Variants in NDUFAF6 observed in about 807,000 individuals in gnomAD.
The protein encoded by NDUFAF6 is NADH:ubiquinone oxidoreductase complex assembly factor 6.
A neutral mutation model predicts 40.8 loss-of-function variants in NDUFAF6; 45 were observed. The observed-to-expected ratio is 1.10, with a 90% CI of 0.87 to 1.42. The LOEUF is 1.42. Ranked by LOEUF, NDUFAF6 falls within the 40% of genes most tolerant of loss-of-function variation. NDUFAF6 has a pLI of 0.00. For synonymous variants in NDUFAF6, 185 were observed against 155.9 expected (o/e 1.19, Z -1.39); for missense variants, 435 against 418.5 (o/e 1.04, Z -0.34).
intron 2 of NDUFAF6, among the ~76,000 whole-genome samples, chr8:95,084,888 C>A (rs1219192642): frequency 6.6e-6 from 1 of 152,128 alleles, no homozygotes; most frequent in East Asian, 1.9e-4. Flanking sequence ...ACTTTTATAG[C>A]CCTTATTTTA....
intron 1 of NDUFAF6, 61 bp from the exon 2 acceptor site, chr8:95,031,934 G>A (rs912892219): frequency 2.0e-6 from 3 of 1,490,916 alleles, no homozygotes; most frequent in Non-Finnish European, 1.9e-6. Context: ...ATTTTAGTCA[G>A]TATTTTTTTG....
chr8:95,024,616 C>T (rs1340281195), upstream of NDUFAF6, among the ~76,000 whole-genome samples: 1 of 152,236 alleles, frequency 6.6e-6, no homozygotes, highest in African/African-American at 2.4e-5. Context: ...CCAAGGCAGC[C>T]CCTGTTGAGA....
intron 1 of NDUFAF6, among the ~76,000 whole-genome samples, chr8:94,962,617 T>G (rs1397055255): frequency 9.7e-6 from 1 of 102,594 alleles, no homozygotes; most frequent in Non-Finnish European, 1.9e-5. Flanking sequence ...TTGTTTTTTG[T>G]TTTTTTTTTT....
intron 1 of NDUFAF6, 41 bp from the exon 2 acceptor site, chr8:95,031,954 G>C (rs376442519): frequency 1.3e-6 from 2 of 1,569,984 alleles, no homozygotes; most frequent in African/African-American, 2.7e-5. Context: ...GTGCAGCTTG[G>C]AAAGTGAAGA....
chr8:95,060,239 A>G (rs147240693), downstream of NDUFAF6, among the ~76,000 whole-genome samples: 1 of 152,144 alleles, frequency 6.6e-6, no homozygotes, highest in Admixed American at 6.5e-5. Context: ...TGTAAAAGAT[A>G]CTCCCTTAGA....
chr8:95,043,751 A>G (rs779608417), intron 4 of NDUFAF6, among the ~76,000 whole-genome samples: 14 of 152,234 alleles, frequency 9.2e-5, no homozygotes, highest in Non-Finnish European at 5.9e-5. Flanking sequence ...TGGTGAGAAC[A>G]GGGAGATGTT....
chr8:95,025,330 G>A, intron 1 of NDUFAF6, 125 bp downstream of exon 1: 1 of 955,728 alleles, frequency 1.0e-6, no homozygotes, highest in Non-Finnish European at 1.4e-6. Context: ...CCCTCTGGGT[G>A]TGCGTTCTAG....
At chr8:95,045,829 T>C (rs1164476648) in intron 5 of NDUFAF6, among the ~76,000 whole-genome samples, 182 bp downstream of exon 5, 1 of 152,126 alleles carries the variant, frequency 6.6e-6, no homozygotes, top group East Asian at 1.9e-4. Context: ...TCTTTCTTTG[T>C]AATGCAGAGT....
At position 95,049,385 on chromosome 8, in the gene NDUFAF6, A is replaced by C. The variant is rs1449073467; in HGVS notation, c.816+827A>C. 3.3e-5 allele frequency among the ~76,000 whole-genome samples: 5 copies of C among 152,068 alleles called. No individual in the cohort carries two copies. In the East Asian group the frequency reaches 9.6e-4, roughly 29 times the overall value. On this transcript the variant is annotated intron_variant, in intron 7 of 8. Transcript: ENST00000396124. ...TAACTTTTCCAGGACTTTTGTTTGG[A>C]ATTTGACACTGTTGACTATACACCT...
chr8:95,104,376 A>C (rs1809752809), downstream of NDUFAF6, among the ~76,000 whole-genome samples: 1 of 151,344 alleles, frequency 6.6e-6, no homozygotes, highest in African/African-American at 2.4e-5. Flanking sequence ...AATCCCCACT[A>C]CTCCCAGTTC....
intron 1 of NDUFAF6, among the ~76,000 whole-genome samples, chr8:94,916,896 C>T (rs1447997566): frequency 6.7e-6 from 1 of 149,230 alleles, no homozygotes; most frequent in Non-Finnish European, 1.5e-5. Flanking sequence ...AGGCGAATCA[C>T]GAGGTCAGGA....
At chr8:95,052,680 T>A (rs1831580200) in intron 8 of NDUFAF6, among the ~76,000 whole-genome samples, 1 of 152,206 alleles carries the variant, frequency 6.6e-6, no homozygotes, top group Admixed American at 6.5e-5. Flanking sequence ...CAGTGGTTCA[T>A]AGCCCACTGC....
rs186422254 is a variant in NDUFAF6, at chr8:95,002,449, C to T, written c.-84+21476C>T. ...TTTAGAACAGTTAACTTTTAGTGAA[C>T]ACACCTACTATGCAGACTTAAGCCT... On this transcript the variant is annotated intron_variant, in intron 2 of 9. Transcript: ENST00000396111. 2.2e-4 allele frequency among the ~76,000 whole-genome samples: 33 copies of T among 149,230 alleles called. No individual in the cohort carries two copies. In the East Asian group the frequency reaches 4.8e-3, roughly 22 times the overall value.
intron 4 of NDUFAF6, among the ~76,000 whole-genome samples, chr8:95,042,881 G>A (rs763028692): frequency 6.6e-6 from 1 of 152,142 alleles, no homozygotes; most frequent in Non-Finnish European, 1.5e-5. Context: ...ACACTTCACT[G>A]GGGAAAGAAC....
intron 1 of NDUFAF6, among the ~76,000 whole-genome samples, chr8:94,909,369 A>C (rs1349189605): frequency 4.8e-5 from 2 of 41,766 alleles, no homozygotes; most frequent in Non-Finnish European, 5.7e-5. Flanking sequence ...AAAAAAAAAA[A>C]AAAAAAAAAA....
intron 1 of NDUFAF6, among the ~76,000 whole-genome samples, chr8:94,913,928 A>G (rs576246015): frequency 1.3e-5 from 2 of 152,154 alleles, no homozygotes; most frequent in Admixed American, 1.3e-4. Context: ...AGTAGCTGAG[A>G]CTACAGGCAT....
intron 1 of NDUFAF6, among the ~76,000 whole-genome samples, chr8:94,966,816 C>T (rs536211622): frequency 2.0e-5 from 3 of 152,210 alleles, no homozygotes; most frequent in South Asian, 2.1e-4. Context: ...TTTCAGGCAG[C>T]GGGAAAGCGG....
chr8:94,975,299 A>T (rs1412794036), intron 1 of NDUFAF6: 1 of 152,244 alleles, frequency 6.6e-6, no homozygotes, highest in Non-Finnish European at 1.5e-5. Context: ...ATCAGATTTT[A>T]TATTCCTATA....
chr8:95,113,615 T>C (rs1223839230), intron 4 of NDUFAF6, among the ~76,000 whole-genome samples: 1 of 152,226 alleles, frequency 6.6e-6, no homozygotes, highest in Non-Finnish European at 1.5e-5. Context: ...CCTGAGGTCA[T>C]CTGCAGTGAA....
Sources: gnomAD v4.1 joint callset for allele counts (sites outside exome capture counted in the v4.1 genomes callset) on GRCh38, gnomAD v4.1.1 for gene constraint, MANE v1.5 for transcripts, NCBI Gene and HGNC (gene_info 2026-07-23, HGNC 2026-07-21) for gene names.